The following LHPP variants were observed in gnomAD, a reference collection of about 807,000 sequenced individuals.
LHPP encodes hLHPP.
In LHPP, 24 loss-of-function variants were observed where a neutral mutation model predicts 30.3. That is an observed-to-expected ratio of 0.79 (90% CI 0.57 to 1.11). The LOEUF (loss-of-function observed/expected upper bound fraction) is 1.11, where lower values mean the gene tolerates loss of function less well. Ranked by LOEUF, LHPP falls within the 50% of genes most tolerant of loss-of-function variation. The pLI, the probability that LHPP is intolerant of heterozygous loss-of-function variation, is 0.00. For synonymous variants in LHPP, 150 were observed against 157.1 expected (o/e 0.95, Z 0.34); for missense variants, 356 against 367.2 (o/e 0.97, Z 0.25).
intron 5 of LHPP, 129 bp downstream of exon 5, chr10:124,498,257 GA>G: frequency 6.5e-7 from 1 of 1,536,324 alleles, no homozygotes; most frequent in Non-Finnish European, 8.9e-7. Flanking sequence ...GGCTCCCTGT[GA>G]AAGCTGACCT....
intron 6 of LHPP, among the ~76,000 whole-genome samples, chr10:124,601,453 C>T (rs1009364379): frequency 6.6e-6 from 1 of 152,208 alleles, no homozygotes; most frequent in African/African-American, 2.4e-5. Context: ...ACTTGCCCCA[C>T]ACTCCAGCCA....
At chr10:124,566,682 T>A (rs892602054) in intron 6 of LHPP, among the ~76,000 whole-genome samples, 3 of 152,070 alleles carry the variant, frequency 2.0e-5, no homozygotes, top group Non-Finnish European at 1.5e-5. Context: ...GCAGGACTGA[T>A]GGATGGAGTC....
intron 6 of LHPP, among the ~76,000 whole-genome samples, chr10:124,522,274 T>C (rs1472101150): frequency 6.6e-6 from 1 of 152,108 alleles, no homozygotes. Flanking sequence ...GCCTTCTGGG[T>C]GTTCCCTGCC....
intron 6 of LHPP, among the ~76,000 whole-genome samples, chr10:124,604,498 G>C (rs955887689): frequency 1.3e-5 from 2 of 152,190 alleles, no homozygotes; most frequent in Non-Finnish European, 2.9e-5. Context: ...GAAGCTGCGG[G>C]TGTGCAGGTG....
At chr10:124,493,268 G>A (rs1266784518) in intron 3 of LHPP, among the ~76,000 whole-genome samples, 1 of 152,142 alleles carries the variant, frequency 6.6e-6, no homozygotes, top group Non-Finnish European at 1.5e-5. Context: ...AGGAACCGGC[G>A]GTTTTAGGGA....
intron 6 of LHPP, among the ~76,000 whole-genome samples, chr10:124,580,008 ATAT>A (rs1284878315): frequency 3.9e-5 from 6 of 152,298 alleles, no homozygotes; most frequent in African/African-American, 1.2e-4. Flanking sequence ...CACATTTTCT[ATAT>A]TATTACTGTG....
intron 6 of LHPP, among the ~76,000 whole-genome samples, chr10:124,549,956 G>A (rs1378451517): frequency 6.6e-6 from 1 of 152,206 alleles, no homozygotes; most frequent in East Asian, 1.9e-4. Flanking sequence ...GGTAATCGGT[G>A]GCCGTGAGGA....
intron 6 of LHPP, among the ~76,000 whole-genome samples, chr10:124,601,624 G>A (rs201310945): frequency 2.0e-4 from 31 of 152,356 alleles, no homozygotes; most frequent in East Asian, 9.6e-4. Context: ...AGTGAGAACC[G>A]CGCAGGAAAT....
intron 6 of LHPP, 144 bp from the exon 7 acceptor site, chr10:124,613,120 C>T: frequency 1.4e-6 from 1 of 696,126 alleles, no homozygotes; most frequent in South Asian, 1.6e-5. Context: ...GGGGGATGGC[C>T]AGTGGCCACG....
At chr10:124,521,461 T>C (rs1954610430) in intron 6 of LHPP, among the ~76,000 whole-genome samples, 1 of 152,214 alleles carries the variant, frequency 6.6e-6, no homozygotes, top group Non-Finnish European at 1.5e-5. Context: ...GCTGAGCCTC[T>C]CCTCTCCTGC....
Position 124,576,416 on chromosome 10 carries a change from C to T in LHPP, c.717-36848C>T, listed in dbSNP as rs1948662130. On this transcript the variant is annotated intron_variant, in intron 6 of 6. Transcript: ENST00000368842. The surrounding 1 kb of genome is among the most constrained non-coding windows in gnomAD (Gnocchi z 4.2). The stretch of plus-strand genomic sequence containing the variant: ...GGTACCCGTATATCCCACCCCCAGA[C>T]TCCTTTCCATGAGCTGCTCCCAGAC... Among the ~76,000 whole-genome samples, 1 of 150,780 alleles carries T rather than the reference C, an allele frequency of 6.6e-6. No homozygotes were observed.
chr10:124,582,866 A>C (rs548833423), intron 6 of LHPP, among the ~76,000 whole-genome samples: 14 of 152,030 alleles, frequency 9.2e-5, no homozygotes, highest in African/African-American at 3.4e-4. Context: ...GAAGAAGAAA[A>C]TATATTTACT....
chr10:124,605,804 A>C (rs1949083997), intron 6 of LHPP, among the ~76,000 whole-genome samples: 1 of 143,514 alleles, frequency 7.0e-6, no homozygotes, highest in African/African-American at 2.6e-5. Flanking sequence ...CTCTGGCTGC[A>C]AAAGAGGAGA....
chr10:124,601,862 T>C (rs2362500), intron 6 of LHPP, among the ~76,000 whole-genome samples: 90,941 of 152,168 alleles, frequency 0.6, 27,374 homozygotes, highest in East Asian at 0.68. Flanking sequence ...TCCCAAGGAA[T>C]GCAGGCATCT....
chr10:124,462,114 TC>T, intron 1 of LHPP, 127 bp downstream of exon 1: 2 of 872,690 alleles, frequency 2.3e-6, no homozygotes, highest in Non-Finnish European at 2.9e-6. Flanking sequence ...GTCTCCCCCT[TC>T]CCACCCCGGT....
intron 2 of LHPP, among the ~76,000 whole-genome samples, chr10:124,485,687 G>A (rs2361621): frequency 0.018 from 2,671 of 151,712 alleles, 69 homozygotes; most frequent in East Asian, 0.12. Context: ...TGTGACTTCC[G>A]CTTCCCTGGT....
At chr10:124,572,504 G>A (rs2133982062) in intron 6 of LHPP, among the ~76,000 whole-genome samples, 1 of 152,076 alleles carries the variant, frequency 6.6e-6, no homozygotes, top group Non-Finnish European at 1.5e-5. Flanking sequence ...GGTGGTGGGT[G>A]CCTGTAATCC....
chr10:124,549,287 G>T (rs1179700840), intron 6 of LHPP, among the ~76,000 whole-genome samples: 1 of 152,074 alleles, frequency 6.6e-6, no homozygotes. Flanking sequence ...AAATAAATTA[G>T]CAGGGCATGA....
At chr10:124,512,718 T>C (rs750359477) in intron 5 of LHPP, among the ~76,000 whole-genome samples, 1 of 151,916 alleles carries the variant, frequency 6.6e-6, no homozygotes, top group Admixed American at 6.6e-5. Flanking sequence ...ACACCTGTTA[T>C]ACCCATTTTA....
Sources: gnomAD v4.1 joint callset for allele counts (sites outside exome capture counted in the v4.1 genomes callset) on GRCh38, gnomAD v4.1.1 for gene constraint, Gnocchi (gnomAD v3.1) non-coding constraint, MANE v1.5 for transcripts, NCBI Gene and HGNC (gene_info 2026-07-23, HGNC 2026-07-21) for gene names.